The following IL1RAPL1 variants were observed in gnomAD, a reference collection of about 807,000 sequenced individuals.
IL1RAPL1 encodes the protein interleukin 1 receptor accessory protein like 1.
Under a neutral mutation model 48.4 loss-of-function variants are expected in IL1RAPL1, and 3 were observed. The ratio of observed to expected loss-of-function variants is 0.06; its 90% CI spans 0.03 to 0.16. IL1RAPL1 has a LOEUF of 0.16. IL1RAPL1 is among the 10% of genes least tolerant of loss of function. The pLI is 1.00. For missense variants in IL1RAPL1, 349 were observed against 530.6 expected, an observed-to-expected ratio of 0.66 and a Z score of 3.36; for synonymous variants, 185 against 187.7, an observed-to-expected ratio of 0.99 and a Z score of 0.12.
Position 28,673,309 on chromosome X carries a change from C to T in IL1RAPL1, c.-25+85262C>T, listed in dbSNP as rs139423748. On this transcript the variant is annotated intron_variant, in intron 1 of 10. Coordinates refer to ENST00000378993, the MANE Select transcript of IL1RAPL1 (RefSeq NM_014271.4). ...GCTAGCCACATGCAGAAGATTGAAA[C>T]TGGACCCCTTCCTTACACCATATAC... Among the ~76,000 whole-genome samples the T allele has an allele frequency of 2.0e-3, 219 of 111,951 alleles. 1 individual carries two copies. The East Asian group carries it at 0.04, about 20-fold the overall frequency.
At chrX:28,694,680 A>G (rs1213030803) in intron 1 of IL1RAPL1, among the ~76,000 whole-genome samples, 3 of 112,396 alleles carry the variant, frequency 2.7e-5, no homozygotes, top group African/African-American at 9.7e-5. Context: ...AATGGGTTGC[A>G]GCTCATATTA....
intron 2 of IL1RAPL1, among the ~76,000 whole-genome samples, chrX:28,941,769 C>A (rs1272513123): frequency 9.0e-6 from 1 of 110,811 alleles, no homozygotes; most frequent in African/African-American, 3.3e-5. Flanking sequence ...TCCGTTTTAT[C>A]TCTAATAGAT....
intron 6 of IL1RAPL1, among the ~76,000 whole-genome samples, chrX:29,752,076 GTATGTATATATATATATA>G (rs1357954297): frequency 6.7e-5 from 6 of 89,483 alleles, no homozygotes; most frequent in Non-Finnish European, 1.3e-4. Context: ...ATATATGTGT[GTATGTATATATATATATA>G]TATATATATA....
intron 1 of IL1RAPL1, among the ~76,000 whole-genome samples, chrX:28,732,817 C>T (rs945254217): frequency 9.0e-6 from 1 of 111,109 alleles, no homozygotes; most frequent in Middle Eastern, 4.3e-3. Flanking sequence ...TGCAGTGAGC[C>T]GAGTTTGCGC....
At chrX:29,039,778 C>G (rs1940889834) in intron 2 of IL1RAPL1, among the ~76,000 whole-genome samples, 2 of 42,540 alleles carry the variant, frequency 4.7e-5, no homozygotes, top group African/African-American at 2.2e-4. Context: ...CAAGAAGTAA[C>G]AATCCTCAAA....
At chrX:29,608,127 G>A (rs185571515) in intron 5 of IL1RAPL1, among the ~76,000 whole-genome samples, 3 of 112,132 alleles carry the variant, frequency 2.7e-5, no homozygotes, top group Admixed American at 1.9e-4. Context: ...GAACCTCTAA[G>A]ATGTCCCCTC....
At chrX:29,632,478 T>C (rs1341541804) in intron 5 of IL1RAPL1, among the ~76,000 whole-genome samples, 1 of 111,770 alleles carries the variant, frequency 8.9e-6, no homozygotes, top group Non-Finnish European at 1.9e-5. Flanking sequence ...TTTATTTCAC[T>C]GAATTCTAGG....
intron 2 of IL1RAPL1, among the ~76,000 whole-genome samples, chrX:29,004,895 AC>A (rs2147390586): frequency 9.0e-6 from 1 of 111,517 alleles, no homozygotes; most frequent in East Asian, 2.8e-4. Context: ...TGTGGTGGCC[AC>A]TCCTCATGAT....
chrX:28,632,108 A>G, intron 1 of IL1RAPL1, among the ~76,000 whole-genome samples: 1 of 112,367 alleles, frequency 8.9e-6, no homozygotes, highest in Non-Finnish European at 1.9e-5. Flanking sequence ...ATAAAATACC[A>G]CAGAATGGGT....
At chrX:29,877,097 G>A (rs1169460514) in intron 6 of IL1RAPL1, among the ~76,000 whole-genome samples, 1 of 111,462 alleles carries the variant, frequency 9.0e-6, no homozygotes, top group Non-Finnish European at 1.9e-5. Flanking sequence ...GTTTTATTTG[G>A]TTGGTGTTGT....
chrX:29,515,596 A>G (rs1935436970), intron 5 of IL1RAPL1, among the ~76,000 whole-genome samples: 1 of 112,333 alleles, frequency 8.9e-6, no homozygotes, highest in African/African-American at 3.2e-5. Flanking sequence ...TATTGTTGGT[A>G]GTATTCTCTG....
chrX:29,541,566 A>G (rs1043497486), intron 5 of IL1RAPL1, among the ~76,000 whole-genome samples: 2 of 111,971 alleles, frequency 1.8e-5, no homozygotes, highest in Non-Finnish European at 3.8e-5. Flanking sequence ...TAAAGAAAGT[A>G]TAATATATAT....
At chrX:29,102,776 A>T (rs994716408) in intron 2 of IL1RAPL1, among the ~76,000 whole-genome samples, 3 of 112,195 alleles carry the variant, frequency 2.7e-5, no homozygotes, top group Non-Finnish European at 5.6e-5. Context: ...CAAATTCAGT[A>T]AAGTTGCAGG....
At chrX:28,789,286 T>C (rs777437600) in intron 1 of IL1RAPL1, 34 bp from the exon 2 acceptor site, 54 of 827,413 alleles carry the variant, frequency 6.5e-5, no homozygotes, top group Non-Finnish European at 9.1e-5. Flanking sequence ...TTTTAAAACA[T>C]GTATGTTTTT....
chrX:28,914,554 A>C (rs182583592), intron 2 of IL1RAPL1, among the ~76,000 whole-genome samples: 1 of 112,100 alleles, frequency 8.9e-6, no homozygotes, highest in South Asian at 3.7e-4. Context: ...TCACCATCTT[A>C]TTTCAGACTT....
chrX:29,086,870 T>A (rs142007367), intron 2 of IL1RAPL1, among the ~76,000 whole-genome samples: 11 of 112,025 alleles, frequency 9.8e-5, no homozygotes, highest in Non-Finnish European at 2.1e-4. Flanking sequence ...GTTTGAAAAT[T>A]TATTCTGACT....
intron 3 of IL1RAPL1, among the ~76,000 whole-genome samples, chrX:29,374,706 A>C (rs949731796): frequency 9.2e-6 from 1 of 109,197 alleles, no homozygotes; most frequent in African/African-American, 3.3e-5. Context: ...TGAGTGTTAG[A>C]TGTTCTGCAG....
intron 5 of IL1RAPL1, among the ~76,000 whole-genome samples, chrX:29,513,858 A>G (rs1935419093): frequency 8.9e-6 from 1 of 112,054 alleles, no homozygotes; most frequent in African/African-American, 3.2e-5. Context: ...TACATTTTTG[A>G]CTAAATTTTA....
rs763028144 is a variant in IL1RAPL1, at chrX:29,955,042, G to T, written c.1373-60G>T. 1.8e-5 allele frequency: 17 copies of T among 935,377 alleles called. No homozygotes were observed. In the African/African-American group the frequency reaches 2.5e-4, roughly 14 times the overall value. The allele number at this position is 935,377 out of a possible 1,213,427, so 77.1% of individuals were successfully genotyped here. The stretch of plus-strand genomic sequence containing the variant: ...TTAATTTCTGAAAGAGAATCTACTA[G>T]GACTTTCTGGACCAAATTTTCCATT... On this transcript the variant is annotated intron_variant, in intron 10 of 10. Transcript: ENST00000378993.
Sources: gnomAD v4.1 joint callset for allele counts (sites outside exome capture counted in the v4.1 genomes callset) on GRCh38, gnomAD v4.1.1 for gene constraint, MANE v1.5 for transcripts, NCBI Gene and HGNC (gene_info 2026-07-23, HGNC 2026-07-21) for gene names.